The following MYT1L variants were observed in gnomAD, a reference collection of about 807,000 sequenced individuals.
MYT1L encodes myelin transcription factor 1 like.
In MYT1L, 12 loss-of-function variants were observed where a neutral mutation model predicts 126.7. The observed-to-expected ratio is 0.09, with a 90% confidence interval of 0.06 to 0.15. The LOEUF (loss-of-function observed/expected upper bound fraction) is 0.15. MYT1L is among the 10% of genes least tolerant of loss of function. The pLI, the probability that MYT1L is intolerant of heterozygous loss-of-function variation, is 1.00. For missense variants in MYT1L, 979 were observed against 1,585.2 expected (o/e 0.62, Z 6.49); for synonymous variants, 541 against 604.2 (o/e 0.90, Z 1.53).
intron 8 of MYT1L, among the ~76,000 whole-genome samples, chr2:1,976,304 A>T (rs776009220): frequency 3.9e-5 from 6 of 152,164 alleles, no homozygotes; most frequent in Non-Finnish European, 7.3e-5. Flanking sequence ...GCTGTCAGGA[A>T]GGGATAGCTT....
intron 2 of MYT1L, among the ~76,000 whole-genome samples, chr2:2,233,516 T>G (rs1572693078): frequency 6.6e-6 from 1 of 151,842 alleles, no homozygotes; most frequent in African/African-American, 2.4e-5. Flanking sequence ...GACCCTGGGG[T>G]GGGATGGGGC....
chr2:1,982,335 A>AGATAATGGG (rs1489459178), intron 5 of MYT1L, among the ~76,000 whole-genome samples: 1 of 152,194 alleles, frequency 6.6e-6, no homozygotes, highest in African/African-American at 2.4e-5. Flanking sequence ...GGGGATGCAG[A>AGATAATGGG]GATAATGGGG....
Position 1,839,357 on chromosome 2 carries a change from C to T in MYT1L, c.2872G>A (p.Gly958Arg). 2 of 1,612,842 alleles carry T rather than the reference C, an allele frequency of 1.2e-6. No homozygotes were observed. The highest frequency in any genetic ancestry group is 1.7e-6 in the Non-Finnish European group (2 of 1,179,592). ...GTGATGTGGCCCTGGCCGTCGCACC[C>T]GGGGACCGGACACCTGTAGGCAGGC... ...DQEPIRCPVP[G>R]CDGQGHITGK... Residue 958 changes from glycine (G) to arginine (R), a missense_variant, in exon 21 of 25, where the codon GGG becomes AGG. By Grantham distance (125) the Gly-to-Arg change is moderately radical. Transcript: ENST00000647738.
At chr2:2,270,353 A>C (rs1156550382) in intron 2 of MYT1L, among the ~76,000 whole-genome samples, 2 of 152,222 alleles carry the variant, frequency 1.3e-5, no homozygotes, top group African/African-American at 4.8e-5. Context: ...AGCTGCCTGC[A>C]TCTGCCTCAT....
At chr2:1,968,521 G>A (rs889636511) in intron 8 of MYT1L, among the ~76,000 whole-genome samples, 2 of 152,194 alleles carry the variant, frequency 1.3e-5, no homozygotes, top group Non-Finnish European at 2.9e-5. Context: ...CGGCCCTGCA[G>A]AGTGGCTACC....
At chr2:2,201,715 G>C (rs574178339) in intron 2 of MYT1L, among the ~76,000 whole-genome samples, 3 of 150,574 alleles carry the variant, frequency 2.0e-5, no homozygotes, top group South Asian at 2.1e-4. Flanking sequence ...AAAAAAAATC[G>C]TAAGTGTTTT....
chr2:2,020,601 T>C (rs1197634456), intron 4 of MYT1L, among the ~76,000 whole-genome samples: 6 of 152,244 alleles, frequency 3.9e-5, no homozygotes, highest in Non-Finnish European at 8.8e-5. Flanking sequence ...ATTGTTTATA[T>C]GCACTCTGCA....
At chr2:2,322,100 C>G (rs1390077590) in intron 1 of MYT1L, among the ~76,000 whole-genome samples, 1 of 151,692 alleles carries the variant, frequency 6.6e-6, no homozygotes, top group Non-Finnish European at 1.5e-5. Context: ...AAATACATGA[C>G]AGTACTGAAT....
chr2:2,224,844 A>G lies in MYT1L; in HGVS notation c.-420-51856T>C. 6.6e-6 allele frequency among the ~76,000 whole-genome samples: 1 copy of G among 151,920 alleles called. No homozygotes were observed. Among genetic ancestry groups the G allele is most frequent in the South Asian group, 2.1e-4 (1 of 4,818 alleles). ...AAAAGAAAAAAAAAAAAAGGAAAAT[A>G]AATGTTTCAAATCCTTGAGAAAGGT... is the stretch of plus-strand genomic sequence containing the variant. On this transcript the variant is annotated intron_variant, in intron 2 of 24. Transcript: ENST00000647738. This position sits in a 1 kb window ranked among gnomAD's most constrained non-coding sequence, Gnocchi z 4.0.
At chr2:2,125,654 A>C (rs1379693502) in intron 3 of MYT1L, among the ~76,000 whole-genome samples, 1 of 152,228 alleles carries the variant, frequency 6.6e-6, no homozygotes, top group Non-Finnish European at 1.5e-5. Context: ...AATTAGAAAT[A>C]ATACAAAATA....
At chr2:2,199,837 A>G (rs1337622126) in intron 2 of MYT1L, among the ~76,000 whole-genome samples, 2 of 152,182 alleles carry the variant, frequency 1.3e-5, no homozygotes, top group East Asian at 3.9e-4. Context: ...CCTGCTTCCC[A>G]CTACACACAG....
At chr2:1,796,797 C>G (rs1317949368) in intron 23 of MYT1L, among the ~76,000 whole-genome samples, 5 of 152,126 alleles carry the variant, frequency 3.3e-5, no homozygotes. Context: ...CGTCTCTCCT[C>G]GGGCTCCTTG....
In MYT1L at chr2:1,979,752, C is replaced by G. The variant is rs774259529; in HGVS notation, c.26G>C (p.Arg9Pro). The change falls in exon 6 of 25, where the codon CGG (arginine) becomes CCG (proline). Residue 9 changes from arginine to proline, a missense_variant. This residue lies in a region of MYT1L where 50 missense variants were observed against 48.6 expected (regional missense o/e 1.03). Transcript: ENST00000647738. This position sits in a 1 kb window ranked among gnomAD's most constrained non-coding sequence, Gnocchi z 4.0. ...AACCCCTTTGGACCGCGTGCGATGCCGCTTCTCCTCGGTGTCCACCTCCAT... is the reference window on the plus strand; with the variant it reads ...AACCCCTTTGGACCGCGTGCGATGCGGCTTCTCCTCGGTGTCCACCTCCAT... The part of the protein sequence containing the change: MEVDTEEK[R>P]HRTRSKGVRV... 5 of 1,613,842 alleles carry G rather than the reference C, an allele frequency of 3.1e-6. No individual in the cohort carries two copies. The highest frequency in any genetic ancestry group is 2.7e-5 in the African/African-American group (2 of 74,940).
intron 8 of MYT1L, among the ~76,000 whole-genome samples, chr2:1,949,994 G>A (rs983900841): frequency 6.6e-6 from 1 of 152,116 alleles, no homozygotes; most frequent in East Asian, 1.9e-4. Flanking sequence ...TTTTCAACCA[G>A]CTCAGTTAAT....
chr2:2,253,942 A>G (rs1354596976), intron 2 of MYT1L, among the ~76,000 whole-genome samples: 1 of 152,190 alleles, frequency 6.6e-6, no homozygotes, highest in African/African-American at 2.4e-5. Context: ...AGATGAAAAG[A>G]TTACATAGTT....
At chr2:1,995,994 G>T (rs1215223492) in intron 5 of MYT1L, among the ~76,000 whole-genome samples, 1 of 152,250 alleles carries the variant, frequency 6.6e-6, no homozygotes, top group Admixed American at 6.5e-5. Context: ...AGGAGAGGGG[G>T]AAATCTGAAG....
intron 3 of MYT1L, among the ~76,000 whole-genome samples, chr2:2,078,379 C>A (rs906300129): frequency 6.6e-6 from 1 of 152,006 alleles, no homozygotes; most frequent in African/African-American, 2.4e-5. Context: ...ACATCCCAAT[C>A]AAAAGGCAGA....
At chr2:2,084,329 A>G (rs2076147890) in intron 3 of MYT1L, among the ~76,000 whole-genome samples, 1 of 152,252 alleles carries the variant, frequency 6.6e-6, no homozygotes, top group African/African-American at 2.4e-5. Flanking sequence ...TGCTTACCCC[A>G]TCTCCTGGTC....
chr2:2,145,663 ACAC>A (rs1245356289), intron 3 of MYT1L, among the ~76,000 whole-genome samples: 1 of 151,992 alleles, frequency 6.6e-6, no homozygotes, highest in Non-Finnish European at 1.5e-5. Flanking sequence ...ACACACACAC[ACAC>A]AAAGACACAT....
Sources: allele counts gnomAD v4.1 joint callset (sites outside exome capture counted in the v4.1 genomes callset), GRCh38; gene constraint gnomAD v4.1.1; regional missense constraint gnomAD v4.1.1; non-coding constraint Gnocchi (gnomAD v3.1); transcripts MANE v1.5; gene names NCBI Gene and HGNC (gene_info 2026-07-23, HGNC 2026-07-21).